PMF1: variants seen among roughly 807,000 people sequenced by gnomAD.
The protein encoded by PMF1 is polyamine-modulated factor 1.
Under a neutral mutation model 26.7 loss-of-function variants are expected in PMF1, and 21 were observed. The ratio of observed to expected loss-of-function variants is 0.79; its 90% CI spans 0.56 to 1.13. The LOEUF (loss-of-function observed/expected upper bound fraction) is 1.13, where lower values mean the gene tolerates loss of function less well. Ranked by LOEUF, PMF1 falls within the 50% of genes most tolerant of loss-of-function variation. The pLI is 0.00. For missense variants in PMF1, 266 were observed against 254.9 expected (o/e 1.04, Z -0.30); for synonymous variants, 105 against 101.0 (o/e 1.04, Z -0.24).
intron 4 of PMF1, chr1:156,236,772 G>A (rs774902408): frequency 4.5e-6 from 2 of 443,842 alleles, no homozygotes; most frequent in South Asian, 4.3e-5. Context: ...CAAGGTAACA[G>A]CGCCTCCACA....
chr1:156,238,258 C>T (rs1659152463), intron 4 of PMF1, among the ~76,000 whole-genome samples: 1 of 152,194 alleles, frequency 6.6e-6, no homozygotes, highest in East Asian at 1.9e-4. Flanking sequence ...TGACTATCTG[C>T]CATTGCCCAA....
chr1:156,225,694 C>A (rs1658337451), intron 1 of PMF1: 4 of 1,238,844 alleles, frequency 3.2e-6, no homozygotes, highest in Non-Finnish European at 4.6e-6. Context: ...TTTTTTGGCT[C>A]CCTTAGCACT....
chr1:156,218,823 C>T lies in PMF1; in HGVS notation c.161+5647C>T, dbSNP rs146441144. Among the ~76,000 whole-genome samples the T allele has an allele frequency of 7.2e-3, 1,095 of 151,880 alleles. 7 individuals are homozygous for T. Among genetic ancestry groups the T allele is most frequent in the Non-Finnish European group, 9.8e-3 (668 of 67,946 alleles). On this transcript the variant is annotated intron_variant, in intron 1 of 4. Transcript: ENST00000368277. The stretch of plus-strand genomic sequence containing the variant: ...ACAAAAAAACAGATATTGCCTAATC[C>T]GTTTTTTTTTAATCCTAATTTTCAT...
At chr1:156,237,464 T>TTC (rs1182085129) in intron 4 of PMF1, among the ~76,000 whole-genome samples, 2 of 150,320 alleles carry the variant, frequency 1.3e-5, no homozygotes, top group African/African-American at 4.9e-5. Flanking sequence ...TTTTTTTTTT[T>TTC]TAGACAGAGT....
chr1:156,233,071 C>T (rs1374792939), intron 2 of PMF1, among the ~76,000 whole-genome samples: 1 of 151,596 alleles, frequency 6.6e-6, no homozygotes, highest in Admixed American at 6.6e-5. Context: ...AGACGTGCAC[C>T]CCCACGCCTA....
intron 1 of PMF1, among the ~76,000 whole-genome samples, chr1:156,217,369 A>T (rs1443927636): frequency 6.6e-6 from 1 of 152,058 alleles, no homozygotes; most frequent in African/African-American, 2.4e-5. Context: ...TATGTTTTAA[A>T]TTTATATGAA....
At chr1:156,235,767 A>G (rs1359444599) in intron 3 of PMF1, among the ~76,000 whole-genome samples, 3 of 152,234 alleles carry the variant, frequency 2.0e-5, no homozygotes, top group Non-Finnish European at 4.4e-5. Context: ...AAGAACTCAC[A>G]GTGCTTTCCA....
intron 4 of PMF1, 63 bp from the exon 5 acceptor site, chr1:156,239,485 T>C (rs1035495833): frequency 5.1e-6 from 7 of 1,362,362 alleles, no homozygotes; most frequent in South Asian, 2.4e-5. Context: ...TCAGGGACAG[T>C]GGAGGGCAAG....
chr1:156,221,262 C>T (rs1658069158), intron 1 of PMF1, among the ~76,000 whole-genome samples: 1 of 152,224 alleles, frequency 6.6e-6, no homozygotes, highest in South Asian at 2.1e-4. Context: ...TGCACTCATA[C>T]TCACTCATAC....
At chr1:156,213,257 G>C in intron 1 of PMF1, 81 bp downstream of exon 1, 2 of 1,559,892 alleles carry the variant, frequency 1.3e-6, no homozygotes, top group South Asian at 1.2e-5. Context: ...CCGCAGGCTG[G>C]CGCGCGGTGA....
chr1:156,225,462 C>T (rs1658315446), intron 1 of PMF1: 2 of 623,482 alleles, frequency 3.2e-6, no homozygotes, highest in Admixed American at 4.5e-5. Flanking sequence ...CCCACCCTTT[C>T]CCCACAGTTG....
chr1:156,236,609 G>A (rs1259198253), intron 4 of PMF1, 126 bp downstream of exon 4: 49 of 1,290,172 alleles, frequency 3.8e-5, no homozygotes, highest in African/African-American at 1.5e-5. Context: ...TGCCCCCTGG[G>A]GAACAGTCAT....
chr1:156,234,456 C>A (rs1290225104), intron 3 of PMF1, among the ~76,000 whole-genome samples: 1 of 151,794 alleles, frequency 6.6e-6, no homozygotes, highest in Non-Finnish European at 1.5e-5. Context: ...GGTTTTTATA[C>A]ATTTGTTCAT....
chr1:156,221,995 G>A (rs1366763874), intron 1 of PMF1, among the ~76,000 whole-genome samples: 1 of 152,152 alleles, frequency 6.6e-6, no homozygotes, highest in Admixed American at 6.5e-5. Context: ...TGGCCCTCCA[G>A]CCTCAGTCTT....
rs1445871536 is a variant in PMF1, at chr1:156,236,392, A to T, written c.473A>T (p.Glu158Val). 6.2e-7 allele frequency: 1 copy of T among 1,614,236 alleles called. No individual in the cohort carries two copies. The highest frequency in any genetic ancestry group is 8.5e-7 in the Non-Finnish European group (1 of 1,180,034). The change falls in exon 4 of 5, where the codon GAG becomes GTG. Residue 158 changes from glutamate (E) to valine (V), a missense_variant. By Grantham distance (121) the Glu-to-Val change is moderately radical. Transcript: ENST00000368277. Reference protein sequence around the residue: ...LRRHVQKQEAENQQLADAVLA... With the variant: ...LRRHVQKQEAVNQQLADAVLA... ...CGCCATGTGCAGAAACAGGAGGCCG[A>T]GAACCAGCAGCTGGCAGATGCCGTC... is the stretch of plus-strand genomic sequence containing the variant.
chr1:156,222,810 G>A (rs1006663601), intron 1 of PMF1, among the ~76,000 whole-genome samples: 17 of 144,266 alleles, frequency 1.2e-4, no homozygotes, highest in Non-Finnish European at 3.0e-5. Context: ...AGTGTATGGC[G>A]ACAGTTCTTA....
chr1:156,227,390 G>A (rs1354905859), intron 1 of PMF1, among the ~76,000 whole-genome samples: 1 of 151,852 alleles, frequency 6.6e-6, no homozygotes, highest in Non-Finnish European at 1.5e-5. Context: ...TGTAATCCCA[G>A]CTACCTGGGA....
At chr1:156,235,503 G>A (rs1172685793) in intron 3 of PMF1, among the ~76,000 whole-genome samples, 2 of 136,782 alleles carry the variant, frequency 1.5e-5, no homozygotes, top group East Asian at 2.1e-4. Context: ...GTGCAGTGGC[G>A]CGATCTTGGC....
chr1:156,233,052 TG>T (rs1377565508), intron 2 of PMF1, among the ~76,000 whole-genome samples: 3 of 151,636 alleles, frequency 2.0e-5, no homozygotes, highest in African/African-American at 7.3e-5. Context: ...CCAGAATCAC[TG>T]GGACTGTAGA....
Sources: gnomAD v4.1 joint callset for allele counts (sites outside exome capture counted in the v4.1 genomes callset) on GRCh38, gnomAD v4.1.1 for gene constraint, MANE v1.5 for transcripts, NCBI Gene and HGNC (gene_info 2026-07-23, HGNC 2026-07-21) for gene names.